Variants in GRIA4 observed in about 807,000 individuals in gnomAD.
The protein encoded by GRIA4 is glutamate receptor 4.
Under a neutral mutation model 104.0 loss-of-function variants are expected in GRIA4, and 34 were observed. The ratio of observed to expected loss-of-function variants is 0.33; its 90% CI spans 0.25 to 0.44. The LOEUF (loss-of-function observed/expected upper bound fraction) is 0.44. Among genes scored for constraint, GRIA4 ranks in the 20% least tolerant of loss-of-function variants. The pLI is 1.00. For missense variants in GRIA4, 750 were observed against 1,096.5 expected, an observed-to-expected ratio of 0.68 and a Z score of 4.46; for synonymous variants, 386 against 381.9, an observed-to-expected ratio of 1.01 and a Z score of -0.13.
At chr11:105,926,154 C>T (rs962948823) in intron 12 of GRIA4, among the ~76,000 whole-genome samples, 3 of 152,076 alleles carry the variant, frequency 2.0e-5, no homozygotes, top group Admixed American at 1.3e-4. Context: ...CAATTCTAGA[C>T]GCTCTTCGGG....
chr11:105,886,504 TC>T (rs1365079110), intron 5 of GRIA4, among the ~76,000 whole-genome samples: 1 of 148,140 alleles, frequency 6.8e-6, no homozygotes, highest in Non-Finnish European at 1.5e-5. Flanking sequence ...CCACTACCCT[TC>T]CCTGCCTCTG....
rs569917881 is a variant in GRIA4, at chr11:105,656,718, A to G, written c.247+44284A>G. ...AGTATTCGTAGTGAATGTAGCTTTCAATAATCTTCATTGAAATGATCAGAA... is the reference window on the plus strand; with the variant it reads ...AGTATTCGTAGTGAATGTAGCTTTCGATAATCTTCATTGAAATGATCAGAA... On this transcript the variant is annotated intron_variant, in intron 3 of 16. Coordinates refer to ENST00000282499, the MANE Select transcript of GRIA4 (RefSeq NM_000829.4). 2.0e-4 allele frequency among the ~76,000 whole-genome samples: 30 copies of G among 152,204 alleles called. No homozygotes were observed. The East Asian group carries it at 5.2e-3, about 27-fold the overall frequency.
chr11:105,842,366 A>ATCCCC, intron 4 of GRIA4, among the ~76,000 whole-genome samples: 1 of 152,288 alleles, frequency 6.6e-6, no homozygotes. Context: ...GATTAGTGTG[A>ATCCCC]CTGCTATGAT....
At chr11:105,835,975 A>T (rs1944168976) in intron 4 of GRIA4, among the ~76,000 whole-genome samples, 1 of 152,120 alleles carries the variant, frequency 6.6e-6, no homozygotes, top group South Asian at 2.1e-4. Flanking sequence ...AAAGCCAATA[A>T]AAGAAGATTT....
intron 3 of GRIA4, among the ~76,000 whole-genome samples, chr11:105,701,713 A>G (rs1320402005): frequency 6.6e-6 from 1 of 152,150 alleles, no homozygotes; most frequent in African/African-American, 2.4e-5. Context: ...GGCCTCTTCC[A>G]CCTGAAAAGT....
intron 4 of GRIA4, among the ~76,000 whole-genome samples, chr11:105,778,424 G>C (rs1440709122): frequency 6.6e-6 from 1 of 152,172 alleles, no homozygotes; most frequent in African/African-American, 2.4e-5. Context: ...AGTACAAGGG[G>C]GGCTGGGCGC....
chr11:105,863,425 G>A (rs1056113830), intron 5 of GRIA4, among the ~76,000 whole-genome samples: 1 of 151,328 alleles, frequency 6.6e-6, no homozygotes, highest in African/African-American at 2.4e-5. Flanking sequence ...AAATATATAT[G>A]TTATTTTGGG....
intron 4 of GRIA4, among the ~76,000 whole-genome samples, chr11:105,797,298 C>G (rs1942519877): frequency 1.3e-5 from 2 of 152,020 alleles, no homozygotes. Flanking sequence ...AAGGCGTAAG[C>G]AAAGCCCGCT....
chr11:105,954,449 G>A (rs1196071541), intron 14 of GRIA4, among the ~76,000 whole-genome samples: 1 of 151,930 alleles, frequency 6.6e-6, no homozygotes, highest in Non-Finnish European at 1.5e-5. Flanking sequence ...GGTGTGTGGG[G>A]GCATAAAGAA....
At chr11:105,724,847 T>C (rs1313972301) in intron 3 of GRIA4, among the ~76,000 whole-genome samples, 1 of 152,172 alleles carries the variant, frequency 6.6e-6, no homozygotes, top group Non-Finnish European at 1.5e-5. Flanking sequence ...ATTTTTCTCT[T>C]CTGGGTTGAC....
At chr11:105,804,174 T>C (rs1038458108) in intron 4 of GRIA4, among the ~76,000 whole-genome samples, 1 of 151,954 alleles carries the variant, frequency 6.6e-6, no homozygotes, top group Admixed American at 6.6e-5. Context: ...TCCTAATTGA[T>C]AGATTTACAT....
At chr11:105,830,642 G>A (rs1943942381) in intron 4 of GRIA4, among the ~76,000 whole-genome samples, 2 of 152,020 alleles carry the variant, frequency 1.3e-5, no homozygotes, top group African/African-American at 4.8e-5. Flanking sequence ...TGGAAGAAAT[G>A]TTTGAAGCTT....
At chr11:105,863,914 T>C (rs1240664460) in intron 5 of GRIA4, among the ~76,000 whole-genome samples, 1 of 152,234 alleles carries the variant, frequency 6.6e-6, no homozygotes. Context: ...AAACTCTGAA[T>C]AAGCCGTAAA....
intron 4 of GRIA4, among the ~76,000 whole-genome samples, chr11:105,779,072 G>T (rs1941590408): frequency 6.6e-6 from 1 of 150,762 alleles, no homozygotes; most frequent in African/African-American, 2.4e-5. Context: ...TGCTGAGAAT[G>T]ATGGTTTCCA....
intron 4 of GRIA4, among the ~76,000 whole-genome samples, chr11:105,791,174 G>C (rs1043398812): frequency 6.6e-6 from 1 of 152,082 alleles, no homozygotes; most frequent in Non-Finnish European, 1.5e-5. Flanking sequence ...ATACATGAGA[G>C]GCAGTTTGGT....
chr11:105,861,968 A>T, intron 4 of GRIA4, 56 bp from the exon 5 acceptor site: 4 of 1,042,352 alleles, frequency 3.8e-6, no homozygotes, highest in East Asian at 4.7e-5. Context: ...GTACCTGCAT[A>T]CATCATTAAA....
At chr11:105,926,563 C>A (rs1459852350) in intron 12 of GRIA4, among the ~76,000 whole-genome samples, 178 bp from the exon 13 acceptor site, 1 of 152,026 alleles carries the variant, frequency 6.6e-6, no homozygotes, top group Non-Finnish European at 1.5e-5. Flanking sequence ...ATTAAATACA[C>A]CATAGAAGAC....
At chr11:105,709,976 T>C (rs1953852371) in intron 3 of GRIA4, among the ~76,000 whole-genome samples, 1 of 152,070 alleles carries the variant, frequency 6.6e-6, no homozygotes, top group African/African-American at 2.4e-5. Flanking sequence ...ACAGGATAAA[T>C]TGGAGGAGAC....
chr11:105,774,362 ATAAAAG>A (rs1448311639), intron 4 of GRIA4, among the ~76,000 whole-genome samples: 1 of 151,982 alleles, frequency 6.6e-6, no homozygotes, highest in African/African-American at 2.4e-5. Flanking sequence ...ATAGTAAAAG[ATAAAAG>A]TAAATCTACT....
Sources: allele counts gnomAD v4.1 joint callset (sites outside exome capture counted in the v4.1 genomes callset), GRCh38; gene constraint gnomAD v4.1.1; transcripts MANE v1.5; gene names NCBI Gene and HGNC (gene_info 2026-07-23, HGNC 2026-07-21).